The following IL26 variants were observed in gnomAD, a reference collection of about 807,000 sequenced individuals.
IL26 encodes the protein interleukin 26, also known as interleukin-26.
IL26 carries 23 observed loss-of-function variants against 21.7 expected under a neutral mutation model. That is an observed-to-expected ratio of 1.06 (90% CI 0.76 to 1.50). The LOEUF (loss-of-function observed/expected upper bound fraction) is 1.50, where lower values mean the gene tolerates loss of function less well. Among genes scored for constraint, IL26 ranks in the 40% most tolerant of loss-of-function variants. The pLI, the probability that IL26 is intolerant of heterozygous loss-of-function variation, is 0.00. For missense variants in IL26, 204 were observed against 196.0 expected (o/e 1.04, Z -0.24); for synonymous variants, 63 against 67.8 (o/e 0.93, Z 0.34).
chr12:68,208,522 G>A (rs779734996), intron 3 of IL26, among the ~76,000 whole-genome samples: 3 of 152,020 alleles, frequency 2.0e-5, no homozygotes, highest in Non-Finnish European at 4.4e-5. Flanking sequence ...TCTTGAGACG[G>A]AGTTTCACTC....
intron 3 of IL26, among the ~76,000 whole-genome samples, chr12:68,202,741 T>TG (rs771198807): frequency 1.3e-5 from 2 of 152,016 alleles, no homozygotes; most frequent in African/African-American, 2.4e-5. Flanking sequence ...GAGATTTGGG[T>TG]GGGGACACAG....
intron 3 of IL26, among the ~76,000 whole-genome samples, chr12:68,222,860 C>T (rs1342975074): frequency 6.6e-6 from 1 of 152,130 alleles, no homozygotes; most frequent in Admixed American, 6.5e-5. Flanking sequence ...ACCATTTATA[C>T]ATTGATTACA....
At chr12:68,212,596 T>C (rs1301372141) in intron 3 of IL26, among the ~76,000 whole-genome samples, 7 of 152,106 alleles carry the variant, frequency 4.6e-5, no homozygotes, top group African/African-American at 1.2e-4. Context: ...CAATGTTTTA[T>C]AGTTTTTCTT....
chr12:68,204,587 T>C (rs536288339), intron 3 of IL26, among the ~76,000 whole-genome samples: 1 of 152,122 alleles, frequency 6.6e-6, no homozygotes, highest in East Asian at 1.9e-4. Flanking sequence ...CCACAGCAGG[T>C]GGGAAGTGCC....
intron 3 of IL26, among the ~76,000 whole-genome samples, chr12:68,210,092 T>G (rs1868665247): frequency 6.6e-6 from 1 of 151,888 alleles, no homozygotes; most frequent in Non-Finnish European, 1.5e-5. Flanking sequence ...CTTGAAAGTT[T>G]TTCTTCTCCA....
At chr12:68,216,092 A>G (rs1868870521) in intron 3 of IL26, among the ~76,000 whole-genome samples, 1 of 151,594 alleles carries the variant, frequency 6.6e-6, no homozygotes, top group South Asian at 2.1e-4. Flanking sequence ...GAAGATCGAG[A>G]CCATCCTGGC....
At chr12:68,208,031 G>A (rs1017063929) in intron 3 of IL26, among the ~76,000 whole-genome samples, 1 of 152,122 alleles carries the variant, frequency 6.6e-6, no homozygotes, top group Non-Finnish European at 1.5e-5. Flanking sequence ...GTTGACCTAT[G>A]CAGTTCAAAC....
chr12:68,203,012 T>C (rs1012458729), intron 3 of IL26, among the ~76,000 whole-genome samples: 32 of 152,248 alleles, frequency 2.1e-4, no homozygotes, highest in African/African-American at 6.7e-4. Context: ...AAAAAAAAAT[T>C]ACCTTTTAAA....
intron 3 of IL26, among the ~76,000 whole-genome samples, chr12:68,218,608 G>A (rs1224787120): frequency 6.6e-6 from 1 of 151,958 alleles, no homozygotes; most frequent in Non-Finnish European, 1.5e-5. Context: ...TAATATATGT[G>A]TAATTAGCAT....
At chr12:68,205,359 CA>C (rs1833817206) in intron 3 of IL26, among the ~76,000 whole-genome samples, 1 of 144,972 alleles carries the variant, frequency 6.9e-6, no homozygotes, top group Admixed American at 7.2e-5. Flanking sequence ...TAATAGCCTA[CA>C]GTTGACCGGA....
At chr12:68,220,701 G>A (rs2041865) in intron 3 of IL26, among the ~76,000 whole-genome samples, 43,714 of 152,156 alleles carry the variant, frequency 0.29, 9,337 homozygotes, top group African/African-American at 0.6. Context: ...CAGTGGTGCG[G>A]TCTTGGCTCA....
At position 68,217,108 on chromosome 12, in the gene IL26, T is replaced by C. The variant is rs11571013; in HGVS notation, c.363+8041A>G. On this transcript the variant is annotated intron_variant, in intron 3 of 4. Transcript: ENST00000229134. Reference sequence around the variant, plus strand: ...TACACATAACTTATTTTTTGAACAATTATACTATCTGACTTACCCAAATCA... The same window carrying C: ...TACACATAACTTATTTTTTGAACAACTATACTATCTGACTTACCCAAATCA... Among the ~76,000 whole-genome samples, 1,479 of 152,292 alleles carry C rather than the reference T, an allele frequency of 9.7e-3. 32 individuals carry two copies. Among genetic ancestry groups the C allele is most frequent in the African/African-American group, 0.034 (1,398 of 41,558 alleles).
Position 68,223,883 on chromosome 12 carries a change from G to GTTTTT in IL26, c.363+1265_363+1266insAAAAA, listed in dbSNP as rs201652400. ...AAGAAATAGAGAACTTAAATTTGGT[G>GTTTTT]GTTTTTTTTTTTTTTTTTTGCTTGT... On this transcript the variant is annotated intron_variant, in intron 3 of 4. Coordinates refer to ENST00000229134, the MANE Select transcript of IL26 (RefSeq NM_018402.2). Among the ~76,000 whole-genome samples, 30 of 81,870 alleles carry GTTTTT rather than the reference G, an allele frequency of 3.7e-4. 1 individual carries two copies. Among genetic ancestry groups the GTTTTT allele is most frequent in the African/African-American group, 5.3e-4 (15 of 28,314 alleles). The allele number at this position is 81,870 out of a possible 152,430, so 53.7% of individuals were successfully genotyped here.
At chr12:68,207,761 A>G (rs1868583231) in intron 3 of IL26, among the ~76,000 whole-genome samples, 1 of 152,128 alleles carries the variant, frequency 6.6e-6, no homozygotes, top group Non-Finnish European at 1.5e-5. Context: ...TACAAACCAA[A>G]TGGCTCCATA....
In IL26 at chr12:68,220,222, C is replaced by T. The variant is rs201705194; in HGVS notation, c.363+4927G>A. Among the ~76,000 whole-genome samples, 4 of 152,142 alleles carry T rather than the reference C, an allele frequency of 2.6e-5. No individual in the cohort carries two copies. The East Asian group carries it at 7.7e-4, about 29-fold the overall frequency. ...TCAACTTTATGAGGCCAGGATTATG[C>T]TAGTATCAAAGTGACACAGATATTA... On this transcript the variant is annotated intron_variant, in intron 3 of 4. Coordinates refer to ENST00000229134, the MANE Select transcript of IL26 (RefSeq NM_018402.2).
chr12:68,217,567 A>G (rs1348237082), intron 3 of IL26, among the ~76,000 whole-genome samples: 3 of 152,190 alleles, frequency 2.0e-5, no homozygotes, highest in East Asian at 3.8e-4. Context: ...TTATTGAATT[A>G]TCCCAGCTTA....
chr12:68,211,676 G>A (rs960200540), intron 3 of IL26, among the ~76,000 whole-genome samples: 8 of 152,124 alleles, frequency 5.3e-5, no homozygotes, highest in African/African-American at 1.9e-4. Context: ...TGATATGCCT[G>A]TTGGCCATTT....
At position 68,225,439 on chromosome 12, in the gene IL26, C is replaced by T. The variant is rs766561716; in HGVS notation, c.228+5G>A. On this transcript the variant is annotated splice_donor_5th_base_variant and intron_variant, in intron 2 of 4. Coordinates refer to ENST00000229134, the MANE Select transcript of IL26 (RefSeq NM_018402.2). ...TGTAAAAAAGAAGAAGACTTTCTGA[C>T]TTACCATAAACTGCTTTTTTGTTTT... is the stretch of plus-strand genomic sequence containing the variant. The T allele has an allele frequency of 3.2e-6, 5 of 1,571,438 alleles. No homozygotes were observed. The highest frequency in any genetic ancestry group is 3.5e-6 in the Non-Finnish European group (4 of 1,145,132).
intron 3 of IL26, among the ~76,000 whole-genome samples, chr12:68,210,642 T>TGGATAATGA (rs1868699421): frequency 6.6e-6 from 1 of 152,102 alleles, no homozygotes; most frequent in African/African-American, 2.4e-5. Flanking sequence ...CAGAAAAGTT[T>TGGATAATGA]ACAAAACATC....
Sources: gnomAD v4.1 joint callset for allele counts (sites outside exome capture counted in the v4.1 genomes callset) on GRCh38, gnomAD v4.1.1 for gene constraint, MANE v1.5 for transcripts, NCBI Gene and HGNC (gene_info 2026-07-23, HGNC 2026-07-21) for gene names.